CLVS1: variants seen among roughly 807,000 people sequenced by gnomAD.
CLVS1 encodes the protein clavesin-1.
Under a neutral mutation model 33.1 loss-of-function variants are expected in CLVS1, and 10 were observed. That is an observed-to-expected ratio of 0.30 (90% CI 0.19 to 0.51). CLVS1 has a LOEUF of 0.51. Among genes scored for constraint, CLVS1 ranks in the 20% least tolerant of loss-of-function variants. The probability of loss-of-function intolerance (pLI) is 0.97; values close to 1 mark genes in which losing one functional copy is unlikely to be tolerated. For missense variants in CLVS1, 343 were observed against 433.4 expected, an observed-to-expected ratio of 0.79 and a Z score of 1.85; for synonymous variants, 163 against 166.1, an observed-to-expected ratio of 0.98 and a Z score of 0.14.
At chr8:60,986,615 T>G in the CLVS1 span, among the ~76,000 whole-genome samples, 1 of 152,258 alleles carries the variant, frequency 6.6e-6, no homozygotes, top group Non-Finnish European at 1.5e-5. Flanking sequence ...AGATTAGAAT[T>G]TATGTAACCT....
At position 61,152,007 on chromosome 8, in the gene CLVS1, C is replaced by T. The variant is rs192711065; in HGVS notation, c.-152+20147C>T. Among the ~76,000 whole-genome samples the T allele has an allele frequency of 6.0e-4, 91 of 152,270 alleles. No homozygotes were observed. In the South Asian group the frequency reaches 7.3e-3, roughly 12 times the overall value. ...CCATGGAGGAGGATATTTTGCCCCC[C>T]GCCCCCAGCTTTCTTTTCTATTTCT... On this transcript the variant is annotated intron_variant, in intron 2 of 2. Coordinates refer to the CLVS1 transcript ENST00000522621.
In CLVS1 at chr8:61,294,298, A is replaced by G. The variant is rs988214792; in HGVS notation, c.-151-5379A>G. ...TCAGCCATATCTAAATCTCAGATTCATCTTTTCATCTAATAGTAATAACCT... is the reference window on the plus strand; with the variant it reads ...TCAGCCATATCTAAATCTCAGATTCGTCTTTTCATCTAATAGTAATAACCT... On this transcript the variant is annotated intron_variant, in intron 1 of 5. Transcript: ENST00000325897. Among the ~76,000 whole-genome samples the G allele has an allele frequency of 6.4e-4, 97 of 152,284 alleles. 1 individual carries two copies. Among genetic ancestry groups the G allele is most frequent in the Admixed American group, 4.8e-3 (73 of 15,276 alleles).
rs752912181 is a variant in CLVS1, at chr8:61,458,423, G to A, written c.858G>A (p.Thr286=). ...PPYDMGTWAR[T]LLGPDYSDEN... ...ATGACATGGGAACTTGGGCCCGGAC[G>A]TTACTCGGTCCCGACTACAGCGATG... Residue 286 remains threonine (T), a synonymous_variant, in exon 5 of 6, where the codon ACG becomes ACA. Transcript: ENST00000325897. The A allele has an allele frequency of 2.5e-5, 41 of 1,613,836 alleles. No individual in the cohort carries two copies. Among genetic ancestry groups the A allele is most frequent in the Middle Eastern group, 1.6e-4 (1 of 6,084 alleles).
chr8:61,069,305 A>C (rs974274739), intron 1 of CLVS1, among the ~76,000 whole-genome samples: 2 of 152,208 alleles, frequency 1.3e-5, no homozygotes, highest in Non-Finnish European at 1.5e-5. Context: ...GGCCATTCCC[A>C]GTGCACCAGC....
intron 2 of CLVS1, among the ~76,000 whole-genome samples, chr8:61,256,555 T>C (rs538708625): frequency 2.0e-5 from 3 of 151,626 alleles, no homozygotes; most frequent in East Asian, 3.9e-4. Flanking sequence ...GAAAACAAAA[T>C]ATTATTTTAA....
chr8:61,042,001 A>G, the CLVS1 span, among the ~76,000 whole-genome samples: 1 of 152,186 alleles, frequency 6.6e-6, no homozygotes, highest in East Asian at 1.9e-4. Context: ...AAATTTCTTG[A>G]TGGGTACTCT....
At chr8:61,464,105 AAT>A (rs1165211647) in intron 5 of CLVS1, among the ~76,000 whole-genome samples, 3 of 151,736 alleles carry the variant, frequency 2.0e-5, no homozygotes, top group Non-Finnish European at 4.4e-5. Context: ...AAAAAAAAAA[AAT>A]TTGAAATATT....
At chr8:61,480,621 A>G (rs1461391308) in intron 5 of CLVS1, among the ~76,000 whole-genome samples, 3 of 152,080 alleles carry the variant, frequency 2.0e-5, no homozygotes, top group African/African-American at 4.8e-5. Flanking sequence ...CCCCAGTGAG[A>G]TGAACCCGGT....
At chr8:61,298,900 G>T (rs1810320268) in intron 1 of CLVS1, among the ~76,000 whole-genome samples, 1 of 152,174 alleles carries the variant, frequency 6.6e-6, no homozygotes, top group Non-Finnish European at 1.5e-5. Context: ...TACAATGGAA[G>T]GATTTTTAAG....
chr8:61,381,320 G>C (rs913204095), intron 3 of CLVS1, among the ~76,000 whole-genome samples: 1 of 152,082 alleles, frequency 6.6e-6, no homozygotes, highest in African/African-American at 2.4e-5. Context: ...TTTAGTCCAG[G>C]TAGGATGGAA....
intron 3 of CLVS1, among the ~76,000 whole-genome samples, chr8:61,441,582 G>A (rs73685036): frequency 0.02 from 3,046 of 152,270 alleles, 96 homozygotes; most frequent in African/African-American, 0.069. Flanking sequence ...TTGTTGTGAG[G>A]TATGTTAGCC....
intron 2 of CLVS1, among the ~76,000 whole-genome samples, chr8:61,358,712 G>A: frequency 6.6e-6 from 1 of 152,150 alleles, no homozygotes; most frequent in East Asian, 1.9e-4. Context: ...CCCAAACAGA[G>A]TATTAGAGAA....
intron 2 of CLVS1, among the ~76,000 whole-genome samples, chr8:61,258,787 A>G (rs1385848916): frequency 6.6e-6 from 1 of 152,220 alleles, no homozygotes; most frequent in African/African-American, 2.4e-5. Flanking sequence ...CTACTCGTCT[A>G]GTACAATGAT....
intron 2 of CLVS1, among the ~76,000 whole-genome samples, chr8:61,194,760 T>G (rs1807567383): frequency 1.3e-5 from 2 of 151,784 alleles, no homozygotes; most frequent in African/African-American, 2.4e-5. Context: ...TTTGAAGAAA[T>G]GCAGAATTTA....
intron 5 of CLVS1, among the ~76,000 whole-genome samples, chr8:61,487,258 T>G (rs1803919569): frequency 6.6e-6 from 1 of 152,158 alleles, no homozygotes; most frequent in South Asian, 2.1e-4. Context: ...CTGGGGGTTC[T>G]TGAAAACTGA....
intron 1 of CLVS1, among the ~76,000 whole-genome samples, chr8:61,129,136 G>T (rs1835758): frequency 6.6e-6 from 1 of 152,172 alleles, no homozygotes; most frequent in Non-Finnish European, 1.5e-5. Context: ...CACCACAGTC[G>T]CACAAAGAGA....
At chr8:61,354,234 T>TTAGGGAAACGCCAATCAAGACCAC (rs1812592253) in intron 2 of CLVS1, among the ~76,000 whole-genome samples, 1 of 152,032 alleles carries the variant, frequency 6.6e-6, no homozygotes, top group Admixed American at 6.6e-5. Flanking sequence ...TCACTAGTTA[T>TTAGGGAAACGCCAATCAAGACCAC]TAGGGAAACG....
the CLVS1 span, among the ~76,000 whole-genome samples, chr8:60,983,948 A>G: frequency 2.6e-5 from 4 of 152,200 alleles, no homozygotes; most frequent in Admixed American, 2.6e-4. Context: ...GAGGTTCAGA[A>G]CATGAACATT....
At chr8:60,987,487 G>A in the CLVS1 span, among the ~76,000 whole-genome samples, 1 of 152,132 alleles carries the variant, frequency 6.6e-6, no homozygotes, top group African/African-American at 2.4e-5. Context: ...AGGAAGGAAA[G>A]AAGGAATGAT....
Sources: gnomAD v4.1 joint callset for allele counts (sites outside exome capture counted in the v4.1 genomes callset) on GRCh38, gnomAD v4.1.1 for gene constraint, MANE v1.5 for transcripts, NCBI Gene and HGNC (gene_info 2026-07-23, HGNC 2026-07-21) for gene names.